Variants in WDPCP observed in about 807,000 individuals in gnomAD.
The protein encoded by WDPCP is WD repeat containing planar cell polarity effector.
WDPCP carries 71 observed loss-of-function variants against 93.1 expected under a neutral mutation model. That is an observed-to-expected ratio of 0.76 (90% CI 0.63 to 0.93). WDPCP has a LOEUF of 0.93. WDPCP is among the 40% of genes least tolerant of loss of function. WDPCP has a pLI of 0.00. For synonymous variants in WDPCP, 315 were observed against 315.0 expected, an observed-to-expected ratio of 1.00 and a Z score of 0.00; for missense variants, 844 against 887.4, an observed-to-expected ratio of 0.95 and a Z score of 0.62.
At chr2:63,214,442 T>C (rs1677130920) in intron 14 of WDPCP, among the ~76,000 whole-genome samples, 1 of 152,158 alleles carries the variant, frequency 6.6e-6, no homozygotes, top group Non-Finnish European at 1.5e-5. Context: ...CTAAAAACTC[T>C]CAATAAACTA....
At chr2:63,313,756 G>T (rs1686367357) in intron 12 of WDPCP, among the ~76,000 whole-genome samples, 1 of 151,470 alleles carries the variant, frequency 6.6e-6, no homozygotes. Context: ...GAAGAGGTCA[G>T]AGGATTAGCA....
At chr2:63,189,165 C>CT (rs1216730772) in intron 14 of WDPCP, among the ~76,000 whole-genome samples, 1 of 152,218 alleles carries the variant, frequency 6.6e-6, no homozygotes, top group Non-Finnish European at 1.5e-5. Context: ...TCTCTCCTGT[C>CT]TAACATGCTA....
At chr2:63,131,082 T>A (rs1333810927) in intron 17 of WDPCP, among the ~76,000 whole-genome samples, 6 of 152,164 alleles carry the variant, frequency 3.9e-5, no homozygotes, top group African/African-American at 1.4e-4. Context: ...ATGTGTTGAA[T>A]CTAAAATGAG....
At chr2:63,555,919 T>G (rs1185795576) in intron 1 of WDPCP, among the ~76,000 whole-genome samples, 1 of 152,036 alleles carries the variant, frequency 6.6e-6, no homozygotes, top group African/African-American at 2.4e-5. Context: ...AAAAAAATGC[T>G]GAAAAATAAA....
intron 14 of WDPCP, among the ~76,000 whole-genome samples, chr2:63,221,429 A>G (rs189469570): frequency 1.8e-4 from 27 of 152,324 alleles, no homozygotes; most frequent in Non-Finnish European, 3.2e-4. Context: ...AGAGGAGCCA[A>G]TAGGCCCAGT....
intron 17 of WDPCP, among the ~76,000 whole-genome samples, chr2:63,136,672 G>A (rs956290034): frequency 8.5e-5 from 13 of 152,070 alleles, no homozygotes; most frequent in African/African-American, 3.1e-4. Context: ...GTACCCATTA[G>A]TTATTTTTAC....
intron 13 of WDPCP, among the ~76,000 whole-genome samples, chr2:63,287,535 G>A (rs750842920): frequency 3.9e-5 from 6 of 152,076 alleles, no homozygotes; most frequent in African/African-American, 7.2e-5. Context: ...CCCAATTTTG[G>A]TAGCAATCTT....
intron 3 of WDPCP, among the ~76,000 whole-genome samples, chr2:63,626,519 A>G (rs1336753449): frequency 6.6e-6 from 1 of 152,158 alleles, no homozygotes; most frequent in African/African-American, 2.4e-5. Flanking sequence ...AAAAAAGGAT[A>G]TGAACAGACA....
At chr2:63,441,911 T>G (rs1026278992) in intron 6 of WDPCP, 21 of 152,050 alleles carry the variant, frequency 1.4e-4, no homozygotes, top group African/African-American at 5.1e-4. Context: ...ATTCTTAAAG[T>G]AGGTTAAATA....
intron 17 of WDPCP, among the ~76,000 whole-genome samples, chr2:63,128,627 A>T (rs978445523): frequency 6.6e-6 from 1 of 152,188 alleles, no homozygotes; most frequent in Non-Finnish European, 1.5e-5. Context: ...TACTCAATAA[A>T]TAACAATTTC....
At position 63,575,361 on chromosome 2, in the gene WDPCP, G is replaced by GTA. The variant is rs755091780; in HGVS notation, c.75+12834_75+12835dup. Among the ~76,000 whole-genome samples, 83 of 106,372 alleles carry GTA rather than the reference G, an allele frequency of 7.8e-4. 3 individuals are homozygous for GTA. The highest frequency in any genetic ancestry group is 1.2e-3 in the Non-Finnish European group (58 of 49,170). The allele number at this position is 106,372 out of a possible 152,430, so 69.8% of individuals were successfully genotyped here. On this transcript the variant is annotated intron_variant, in intron 1 of 17. Transcript: ENST00000272321. ...GTATATACTGTATATGGTATATACA[G>GTA]TATATACAGTATATACAGTATATAC... is the stretch of plus-strand genomic sequence containing the variant.
At chr2:63,356,576 C>T (rs1690034682) in intron 12 of WDPCP, among the ~76,000 whole-genome samples, 1 of 152,202 alleles carries the variant, frequency 6.6e-6, no homozygotes. Context: ...CAAACACACT[C>T]CTGGACCACA....
At chr2:63,585,835 CTTTT>C (rs11309831) in intron 1 of WDPCP, among the ~76,000 whole-genome samples, 4 of 103,100 alleles carry the variant, frequency 3.9e-5, no homozygotes, top group Non-Finnish European at 7.7e-5. Flanking sequence ...AAATAATTTT[CTTTT>C]TTTTTTTTTT....
intron 3 of WDPCP, chr2:63,595,376 A>G (rs1472164208): frequency 8.5e-7 from 1 of 1,178,100 alleles, no homozygotes; most frequent in South Asian, 1.2e-5. Flanking sequence ...TCTTGTGTCT[A>G]AATGAAATAG....
Position 63,404,063 on chromosome 2 carries a change from G to A in WDPCP, c.1420C>T (p.Leu474=). 1 of 1,613,944 alleles carries A rather than the reference G, an allele frequency of 6.2e-7. No individual in the cohort carries two copies. Among genetic ancestry groups the A allele is most frequent in the Non-Finnish European group, 8.5e-7 (1 of 1,179,944 alleles). ...LRFERGPLGV[L]LFKLGVFTRG... is the part of the protein sequence containing the mutation. ...CTTGACTTACCTAGTTTAAACAACA[G>A]CACACCCAAAGGTCCTCTTTCAAAC... Residue 474 remains leucine (L), a synonymous_variant, in exon 10 of 18, where the codon CTG becomes TTG. Coordinates refer to ENST00000272321, the MANE Select transcript of WDPCP (RefSeq NM_015910.7).
At chr2:63,316,626 C>A (rs1204385699) in intron 12 of WDPCP, among the ~76,000 whole-genome samples, 1 of 151,654 alleles carries the variant, frequency 6.6e-6, no homozygotes, top group African/African-American at 2.4e-5. Context: ...GCATTCCAGC[C>A]TGGGCAAGAG....
chr2:63,215,969 C>A (rs1234074462), intron 14 of WDPCP, among the ~76,000 whole-genome samples: 2 of 152,232 alleles, frequency 1.3e-5, no homozygotes, highest in Non-Finnish European at 1.5e-5. Flanking sequence ...CTCGTCATCA[C>A]TGGCCATCAG....
intron 2 of WDPCP, among the ~76,000 whole-genome samples, chr2:63,684,885 T>C (rs1445955903): frequency 2.0e-5 from 3 of 152,048 alleles, no homozygotes; most frequent in Non-Finnish European, 4.4e-5. Flanking sequence ...AGTGAGTCAA[T>C]GAAAAAATTA....
intron 2 of WDPCP, among the ~76,000 whole-genome samples, chr2:63,799,919 A>G (rs1253762247): frequency 6.6e-6 from 1 of 152,116 alleles, no homozygotes; most frequent in East Asian, 1.9e-4. Context: ...CCCTTCCTCC[A>G]TTGTGGGGGA....
Sources: allele counts gnomAD v4.1 joint callset (sites outside exome capture counted in the v4.1 genomes callset), GRCh38; gene constraint gnomAD v4.1.1; transcripts MANE v1.5; gene names NCBI Gene and HGNC (gene_info 2026-07-23, HGNC 2026-07-21).